Variants in CRYM observed in about 807,000 individuals in gnomAD.
CRYM encodes ketimine reductase mu-crystallin.
In CRYM, 18 loss-of-function variants were observed where a neutral mutation model predicts 32.9. The ratio of observed to expected loss-of-function variants is 0.55; its 90% confidence interval spans 0.38 to 0.81. The LOEUF (loss-of-function observed/expected upper bound fraction) is 0.81, where lower values mean the gene tolerates loss of function less well. CRYM is among the 30% of genes least tolerant of loss of function. The probability of loss-of-function intolerance (pLI) is 0.00; values close to 1 mark genes in which losing one functional copy is unlikely to be tolerated. For missense variants in CRYM, 337 were observed against 393.5 expected (o/e 0.86, Z 1.21); for synonymous variants, 153 against 152.4 (o/e 1.00, Z -0.03).
chr16:21,290,809 C>T (rs1479735544), intron 1 of CRYM, among the ~76,000 whole-genome samples: 1 of 152,158 alleles, frequency 6.6e-6, no homozygotes, highest in African/African-American at 2.4e-5. Flanking sequence ...TGATATATTC[C>T]TTATCCTCTT....
At chr16:21,268,810 A>T (rs565992463) in intron 4 of CRYM, 1 of 152,330 alleles carries the variant, frequency 6.6e-6, no homozygotes, top group South Asian at 2.1e-4. Context: ...CTTTGAAAAC[A>T]GATGAAAGGG....
At chr16:21,282,473 A>G (rs1447600124), upstream of CRYM, among the ~76,000 whole-genome samples, 1 of 152,168 alleles carries the variant, frequency 6.6e-6, no homozygotes. Context: ...AGCAAAACCA[A>G]ATACTCATCA....
intron 1 of CRYM, among the ~76,000 whole-genome samples, chr16:21,301,902 A>G (rs914847825): frequency 4.6e-5 from 7 of 152,258 alleles, no homozygotes; most frequent in Middle Eastern, 3.4e-3. Context: ...CGTGCTAGGG[A>G]GTCCTGGCGC....
chr16:21,265,915 C>T (rs1189230774), intron 5 of CRYM, among the ~76,000 whole-genome samples: 1 of 152,190 alleles, frequency 6.6e-6, no homozygotes, highest in Non-Finnish European at 1.5e-5. Context: ...CAAATCCCAG[C>T]TCTGCCATCA....
At chr16:21,276,050 A>C (rs1272085108) in intron 2 of CRYM, among the ~76,000 whole-genome samples, 1 of 152,188 alleles carries the variant, frequency 6.6e-6, no homozygotes, top group African/African-American at 2.4e-5. Context: ...CTTCGTGAAG[A>C]TGCTCAGATA....
intron 1 of CRYM, among the ~76,000 whole-genome samples, chr16:21,294,369 T>C (rs1960740303): frequency 6.6e-6 from 1 of 152,226 alleles, no homozygotes; most frequent in Non-Finnish European, 1.5e-5. Context: ...AGTTCCGGGA[T>C]ACATGTGCAG....
In CRYM at chr16:21,277,632, G is replaced by A; in HGVS notation, c.171-48C>T. The A allele has an allele frequency of 6.2e-7, 1 of 1,607,386 alleles. No homozygotes were observed. The highest frequency in any genetic ancestry group is 8.5e-7 in the Non-Finnish European group (1 of 1,177,086). On this transcript the variant is annotated intron_variant, in intron 1 of 7. Coordinates refer to ENST00000572914, the MANE Select transcript of CRYM (RefSeq NM_001376256.1). The surrounding 1 kb of genome is among the most constrained non-coding windows in gnomAD (Gnocchi z 4.2). ...TTCAGCCCCTTCCCATCAATGCTGG[G>A]GTCTCTTAGAAAGTATCCATATACT... is the stretch of plus-strand genomic sequence containing the variant.
chr16:21,269,780 C>T lies in CRYM; in HGVS notation c.489+10G>A. The T allele has an allele frequency of 6.7e-7, 1 of 1,485,786 alleles. No homozygotes were observed. Among genetic ancestry groups the T allele is most frequent in the Non-Finnish European group, 9.4e-7 (1 of 1,066,714 alleles). 92.0% of individuals were successfully genotyped at this position (1,485,786 alleles called of 1,614,324 possible). On this transcript the variant is annotated intron_variant, in intron 4 of 7. Coordinates refer to ENST00000572914, the MANE Select transcript of CRYM (RefSeq NM_001376256.1). ...TCCCTCTTCTCTCCCACCCCCACCC[C>T]TGGACTTACCTCCTTAAAGGAGAAC...
intron 1 of CRYM, among the ~76,000 whole-genome samples, chr16:21,290,434 CACATCTGA>C (rs1302557435): frequency 3.9e-5 from 6 of 152,232 alleles, no homozygotes; most frequent in East Asian, 3.9e-4. Flanking sequence ...AAACTCGGGA[CACATCTGA>C]ACATCTGAAG....
intron 1 of CRYM, among the ~76,000 whole-genome samples, chr16:21,289,732 G>A (rs1408410353): frequency 2.6e-5 from 4 of 152,092 alleles, no homozygotes; most frequent in Admixed American, 2.0e-4. Context: ...TGGCACAGGT[G>A]CCCGGCTTTT....
intron 1 of CRYM, among the ~76,000 whole-genome samples, chr16:21,290,365 A>G (rs118135923): frequency 0.016 from 2,507 of 152,140 alleles, 83 homozygotes; most frequent in East Asian, 0.079. Context: ...AACACTCACT[A>G]CAAAGGTCTG....
chr16:21,286,384 ATTTTTTTT>A, intron 1 of CRYM, among the ~76,000 whole-genome samples: 1 of 140,212 alleles, frequency 7.1e-6, no homozygotes, highest in East Asian at 2.1e-4. Flanking sequence ...CGCCCAGCTA[ATTTTTTTT>A]TTTTTTTTTT....
In CRYM at chr16:21,258,577, A is replaced by G. The variant is rs551248689; in HGVS notation, c.*204T>C. On this transcript the variant is annotated 3_prime_UTR_variant, in exon 8 of 8. Transcript: ENST00000572914. ...AATATAAAGGGAAATGAATGCTATT[A>G]TAACTTGGTAGAACAGAAGAAATGG... 5 of 615,912 alleles carry G rather than the reference A, an allele frequency of 8.1e-6. No individual in the cohort carries two copies. The South Asian group carries it at 9.6e-5, about 12-fold the overall frequency. 38.2% of individuals were successfully genotyped at this position (615,912 alleles called of 1,614,324 possible). A position where few individuals can be genotyped will look rare whatever the true frequency, so the allele number is the denominator to read the frequency against.
At chr16:21,267,853 T>A in intron 4 of CRYM, 116 bp from the exon 5 acceptor site, 1 of 934,634 alleles carries the variant, frequency 1.1e-6, no homozygotes, top group Non-Finnish European at 1.7e-6. Flanking sequence ...TCAGTGGTTA[T>A]CTAAATCACT....
rs138677668 is a variant in CRYM at position 21,277,505 on chromosome 16, C to A, written c.250G>T (p.Gly84Cys). 3.1e-6 allele frequency: 5 copies of A among 1,613,886 alleles called. 1 individual carries two copies. In the Admixed American group the frequency reaches 5.0e-5, roughly 16 times the overall value. ...TGGGAAGGGACGACCGAGGTGATGC[C>A]GCGGTCCTCGTAGAAGGTGACCAAC... ...TKLVTFYEDR[G>C]ITSVVPSHQA... The change falls in exon 2 of 8, where the codon GGC becomes TGC. Residue 84 changes from glycine to cysteine, a missense_variant. Coordinates refer to ENST00000572914, the MANE Select transcript of CRYM (RefSeq NM_001376256.1). The surrounding 1 kb of genome is among the most constrained non-coding windows in gnomAD (Gnocchi z 4.2).
upstream of CRYM, among the ~76,000 whole-genome samples, chr16:21,280,136 T>C (rs1241024667): frequency 6.6e-6 from 1 of 152,190 alleles, no homozygotes; most frequent in Non-Finnish European, 1.5e-5. Flanking sequence ...TCCTAGCACT[T>C]TGGGAGGCCC....
intron 6 of CRYM, chr16:21,261,619 T>C (rs1403408365): frequency 1.1e-5 from 6 of 526,764 alleles, no homozygotes; most frequent in African/African-American, 5.7e-5. Flanking sequence ...AGTGAGGAAA[T>C]AGACATGCTG....
chr16:21,287,996 G>A (rs1442342841), intron 1 of CRYM, among the ~76,000 whole-genome samples: 1 of 152,192 alleles, frequency 6.6e-6, no homozygotes, highest in Non-Finnish European at 1.5e-5. Context: ...TTGTGGGATT[G>A]GTTCTTTAAC....
Position 21,258,680 on chromosome 16 carries a change from G to A in CRYM, c.*101C>T. 1 of 990,916 alleles carries A rather than the reference G, an allele frequency of 1.0e-6. No homozygotes were observed. Among genetic ancestry groups the A allele is most frequent in the East Asian group, 2.4e-5 (1 of 42,016 alleles). 61.4% of individuals were successfully genotyped at this position (990,916 alleles called of 1,614,324 possible). On this transcript the variant is annotated 3_prime_UTR_variant, in exon 8 of 8. Coordinates refer to ENST00000572914, the MANE Select transcript of CRYM (RefSeq NM_001376256.1). ...AGGTAAAACATGATAAGCACAAAAG[G>A]AGAGTTCACTGGGGACTGGACTCCC...
Sources: gnomAD v4.1 joint callset for allele counts (sites outside exome capture counted in the v4.1 genomes callset) on GRCh38, gnomAD v4.1.1 for gene constraint, Gnocchi (gnomAD v3.1) non-coding constraint, MANE v1.5 for transcripts, NCBI Gene and HGNC (gene_info 2026-07-23, HGNC 2026-07-21) for gene names.